Variants in CDYL observed in about 807,000 individuals in gnomAD.
The protein encoded by CDYL is chromodomain Y-like protein.
CDYL carries 8 observed loss-of-function variants against 47.3 expected under a neutral mutation model. The observed-to-expected ratio is 0.17, with a 90% CI of 0.10 to 0.31. CDYL has a LOEUF of 0.31. Ranked by LOEUF, CDYL falls within the 10% of genes least tolerant of loss-of-function variation. The pLI, the probability that CDYL is intolerant of heterozygous loss-of-function variation, is 1.00. For missense variants in CDYL, 471 were observed against 701.4 expected, an observed-to-expected ratio of 0.67 and a Z score of 3.71; for synonymous variants, 266 against 265.0, an observed-to-expected ratio of 1.00 and a Z score of -0.04.
chr6:4,937,577 G>C lies in CDYL; in HGVS notation c.961G>C (p.Val321Leu). 1 of 1,563,012 alleles carries C rather than the reference G, an allele frequency of 6.4e-7. No individual in the cohort carries two copies. Among genetic ancestry groups the C allele is most frequent in the Non-Finnish European group, 8.6e-7 (1 of 1,157,296 alleles). Residue 321 changes from valine to leucine, a missense_variant, in exon 4 of 7, where the codon GTC becomes CTC. Around this residue, in one of 3 missense-constraint regions of CDYL, gnomAD observed 103 missense variants for 277.1 expected, o/e 0.37. Coordinates refer to ENST00000397588, the MANE Select transcript of CDYL (RefSeq NM_004824.4). ...TGGTGACTTTCAGGTAATGAGAGAA[G>C]TCCAGAGTGCTCTGAGCACGGCCGC... ...NSLNPEVMRE[V>L]QSALSTAAAD... is the part of the protein sequence containing the mutation.
chr6:4,772,600 G>T (rs1284452093), upstream of CDYL, among the ~76,000 whole-genome samples: 4 of 152,136 alleles, frequency 2.6e-5, no homozygotes, highest in African/African-American at 9.7e-5. Flanking sequence ...TTTTGAGTGG[G>T]TGATTGAGAT....
chr6:4,861,619 A>G (rs1761172337), intron 1 of CDYL, among the ~76,000 whole-genome samples: 1 of 152,206 alleles, frequency 6.6e-6, no homozygotes, highest in South Asian at 2.1e-4. Context: ...TTCATGAGTA[A>G]AGCTGTCACA....
chr6:4,907,905 T>A (rs1757288627), intron 2 of CDYL, among the ~76,000 whole-genome samples: 1 of 152,194 alleles, frequency 6.6e-6, no homozygotes, highest in Admixed American at 6.5e-5. Flanking sequence ...CTCTTCAGCA[T>A]GTCCTAAACG....
intron 5 of CDYL, among the ~76,000 whole-genome samples, chr6:4,944,155 CT>C (rs1758444689): frequency 6.6e-6 from 1 of 152,166 alleles, no homozygotes; most frequent in South Asian, 2.1e-4. Context: ...GTTTTTATTT[CT>C]TTAACTGTTT....
intron 1 of CDYL, among the ~76,000 whole-genome samples, chr6:4,827,768 C>T (rs1760020029): frequency 6.6e-6 from 1 of 152,170 alleles, no homozygotes; most frequent in Non-Finnish European, 1.5e-5. Flanking sequence ...TGATCTCCTG[C>T]CTCAGCCTCC....
chr6:4,713,035 C>T (rs1360974451), intron 1 of CDYL, among the ~76,000 whole-genome samples: 2 of 152,110 alleles, frequency 1.3e-5, no homozygotes, highest in Admixed American at 6.5e-5. Context: ...GATCCAGGAA[C>T]TTGGGAGGCT....
chr6:4,838,149 A>G (rs368007134), intron 1 of CDYL, among the ~76,000 whole-genome samples: 3 of 152,108 alleles, frequency 2.0e-5, no homozygotes, highest in East Asian at 1.9e-4. Flanking sequence ...GTTTTTCGGT[A>G]TGTCTTTTTA....
intron 2 of CDYL, among the ~76,000 whole-genome samples, chr6:4,731,397 C>G (rs1158400617): frequency 6.6e-6 from 1 of 152,174 alleles, no homozygotes; most frequent in East Asian, 1.9e-4. Context: ...AAGGGGCTAT[C>G]ATGATCTAAT....
chr6:4,901,558 C>T (rs1424521345), intron 2 of CDYL, among the ~76,000 whole-genome samples: 3 of 152,084 alleles, frequency 2.0e-5, no homozygotes, highest in East Asian at 1.9e-4. Context: ...CAGAAGAGGC[C>T]GCTTGTGAAA....
At chr6:4,778,201 T>C (rs995338663) in intron 1 of CDYL, among the ~76,000 whole-genome samples, 18 of 152,102 alleles carry the variant, frequency 1.2e-4, no homozygotes, top group African/African-American at 4.3e-4. Flanking sequence ...GGGAAGTACA[T>C]AGCATGAGGG....
chr6:4,881,622 A>G (rs1761764427), intron 1 of CDYL, among the ~76,000 whole-genome samples: 1 of 152,222 alleles, frequency 6.6e-6, no homozygotes, highest in Non-Finnish European at 1.5e-5. Flanking sequence ...CTATTGTTAT[A>G]TATTTTCTGT....
At chr6:4,854,710 C>A (rs1004590990) in intron 1 of CDYL, among the ~76,000 whole-genome samples, 1 of 152,198 alleles carries the variant, frequency 6.6e-6, no homozygotes, top group African/African-American at 2.4e-5. Context: ...AGTTGTCACA[C>A]ATCAGTGGCA....
In CDYL at chr6:4,892,193, G is replaced by A. The variant is rs770828221; in HGVS notation, c.505G>A (p.Val169Ile). ...CGAGAGCCCTGAGAAACTGGACCCC[G>A]TCGAGCAGGGTCAGGAGGACACAGT... Reference protein sequence around the residue: ...QSESPEKLDPVEQGQEDTVAP... With the variant: ...QSESPEKLDPIEQGQEDTVAP... The change falls in exon 2 of 7, where the codon GTC becomes ATC. Residue 169 changes from valine (V) to isoleucine (I), a missense_variant. Val to Ile is a conservative substitution (Grantham distance 29). This residue lies in a region of CDYL where 311 missense variants were observed against 350.0 expected (regional missense o/e 0.89). Coordinates refer to ENST00000397588, the MANE Select transcript of CDYL (RefSeq NM_004824.4). The A allele has an allele frequency of 1.4e-5, 23 of 1,614,092 alleles. No individual in the cohort carries two copies. The highest frequency in any genetic ancestry group is 6.6e-5 in the South Asian group (6 of 91,080).
At chr6:4,789,387 AG>A (rs1758854617) in intron 1 of CDYL, among the ~76,000 whole-genome samples, 1 of 152,036 alleles carries the variant, frequency 6.6e-6, no homozygotes, top group Non-Finnish European at 1.5e-5. Context: ...CCTGGGTTTC[AG>A]TTGCGCTTCT....
At chr6:4,730,238 A>C (rs944370741) in intron 2 of CDYL, among the ~76,000 whole-genome samples, 1 of 152,188 alleles carries the variant, frequency 6.6e-6, no homozygotes, top group Non-Finnish European at 1.5e-5. Flanking sequence ...CATGCTTCCA[A>C]GTGAGGGAAG....
chr6:4,928,055 T>C (rs1757929735), intron 2 of CDYL, among the ~76,000 whole-genome samples: 1 of 152,252 alleles, frequency 6.6e-6, no homozygotes, highest in South Asian at 2.1e-4. Context: ...AACTGTGCTT[T>C]TCGTGTAGAT....
chr6:4,733,921 G>A (rs1171335797), intron 2 of CDYL, among the ~76,000 whole-genome samples: 6 of 146,328 alleles, frequency 4.1e-5, no homozygotes, highest in East Asian at 4.1e-4. Context: ...GCACAATCTC[G>A]TGTCACTGCA....
intron 2 of CDYL, among the ~76,000 whole-genome samples, chr6:4,906,807 A>G (rs1176386602): frequency 3.4e-5 from 5 of 148,912 alleles, no homozygotes; most frequent in African/African-American, 1.0e-4. Context: ...TATCTGGGGG[A>G]GAAGGAGGTT....
At chr6:4,897,389 C>A (rs1462834894) in intron 2 of CDYL, among the ~76,000 whole-genome samples, 1 of 152,174 alleles carries the variant, frequency 6.6e-6, no homozygotes, top group Admixed American at 6.5e-5. Context: ...AGCATTTCAA[C>A]CAAAGGAAAC....
Sources: allele counts gnomAD v4.1 joint callset (sites outside exome capture counted in the v4.1 genomes callset), GRCh38; gene constraint gnomAD v4.1.1; regional missense constraint gnomAD v4.1.1; transcripts MANE v1.5; gene names NCBI Gene and HGNC (gene_info 2026-07-23, HGNC 2026-07-21).